The following AGBL4 variants were observed in gnomAD, a reference collection of about 807,000 sequenced individuals.
AGBL4 encodes the protein cytosolic carboxypeptidase 6.
A neutral mutation model predicts 66.4 loss-of-function variants in AGBL4; 58 were observed. That is an observed-to-expected ratio of 0.87 (90% CI 0.71 to 1.09). AGBL4 has a LOEUF of 1.09. Ranked by LOEUF, AGBL4 falls within the 50% of genes least tolerant of loss-of-function variation. The pLI is 0.00. For synonymous variants in AGBL4, 234 were observed against 222.9 expected (o/e 1.05, Z -0.44); for missense variants, 579 against 631.0 (o/e 0.92, Z 0.88).
intron 2 of AGBL4, chr1:49,846,205 C>A (rs373697304): frequency 2.1e-6 from 3 of 1,461,162 alleles, no homozygotes; most frequent in Non-Finnish European, 2.9e-6. Flanking sequence ...CCTCACTCAG[C>A]CAGCACAAAA....
intron 9 of AGBL4, among the ~76,000 whole-genome samples, chr1:48,612,487 A>T (rs1645254003): frequency 6.6e-6 from 1 of 152,188 alleles, no homozygotes; most frequent in Admixed American, 6.5e-5. Context: ...TATAGAGATG[A>T]AGGTCAAGAA....
At chr1:48,668,528 A>C (rs1364180149) in intron 6 of AGBL4, among the ~76,000 whole-genome samples, 1 of 152,078 alleles carries the variant, frequency 6.6e-6, no homozygotes, top group Non-Finnish European at 1.5e-5. Flanking sequence ...GGTTCCCAAG[A>C]CACGACATGT....
chr1:48,589,036 C>A (rs528288583), intron 10 of AGBL4, among the ~76,000 whole-genome samples: 1 of 152,164 alleles, frequency 6.6e-6, no homozygotes, highest in African/African-American at 2.4e-5. Context: ...TATGACCCAG[C>A]CTTCCAGGGA....
chr1:49,161,029 T>A (rs1048567936), intron 4 of AGBL4, among the ~76,000 whole-genome samples: 3 of 152,072 alleles, frequency 2.0e-5, no homozygotes. Flanking sequence ...CTTGGCTCCC[T>A]GGCTTCAGCC....
At chr1:49,479,056 T>C (rs1646901415) in intron 3 of AGBL4, among the ~76,000 whole-genome samples, 1 of 151,346 alleles carries the variant, frequency 6.6e-6, no homozygotes, top group African/African-American at 2.4e-5. Flanking sequence ...AAGGAAGACA[T>C]GCAAGAAAAA....
At chr1:49,235,181 G>A (rs1289733477) in intron 4 of AGBL4, among the ~76,000 whole-genome samples, 2 of 152,148 alleles carry the variant, frequency 1.3e-5, no homozygotes, top group Non-Finnish European at 1.5e-5. Flanking sequence ...GTAAGGCTCA[G>A]GTCCTTCCTT....
At chr1:49,199,955 A>C (rs1647555761) in intron 4 of AGBL4, among the ~76,000 whole-genome samples, 1 of 152,102 alleles carries the variant, frequency 6.6e-6, no homozygotes, top group South Asian at 2.1e-4. Flanking sequence ...TGGGGAGGCA[A>C]GTGTGACTAC....
intron 3 of AGBL4, among the ~76,000 whole-genome samples, chr1:49,491,857 A>G (rs186807840): frequency 3.1e-4 from 47 of 152,072 alleles, no homozygotes; most frequent in African/African-American, 1.1e-3. Flanking sequence ...CCCCCAGTGG[A>G]TGCCTGAAAC....
chr1:49,083,407 A>G (rs1213258865), intron 4 of AGBL4, among the ~76,000 whole-genome samples: 1 of 152,222 alleles, frequency 6.6e-6, no homozygotes, highest in Non-Finnish European at 1.5e-5. Flanking sequence ...CCAAACCTCA[A>G]TTCTTGACTT....
intron 11 of AGBL4, among the ~76,000 whole-genome samples, chr1:48,557,018 G>A (rs1431362204): frequency 6.6e-6 from 1 of 152,046 alleles, no homozygotes; most frequent in Non-Finnish European, 1.5e-5. Context: ...ACAAACTCCT[G>A]AGCTCAGGAG....
At position 48,995,011 on chromosome 1, in the gene AGBL4, C is replaced by T. The variant is rs1243241815; in HGVS notation, c.594+50573G>A. 4.6e-5 allele frequency among the ~76,000 whole-genome samples: 7 copies of T among 152,300 alleles called. No homozygotes were observed. In the East Asian group the frequency reaches 5.8e-4, roughly 13 times the overall value. On this transcript the variant is annotated intron_variant, in intron 5 of 13. Coordinates refer to ENST00000371839, the MANE Select transcript of AGBL4 (RefSeq NM_032785.4). ...AATTTGAGCCAAAAAAGACAAATCA[C>T]GAAATTTGTTTATTTGGCTGCTTCC...
intron 7 of AGBL4, among the ~76,000 whole-genome samples, chr1:48,655,301 CTTTCTTTTCT>C (rs931120702): frequency 6.6e-6 from 1 of 152,168 alleles, no homozygotes; most frequent in Admixed American, 6.5e-5. Context: ...ATAGGGAGAT[CTTTCTTTTCT>C]TTTCTTTTCT....
At chr1:48,751,710 A>G (rs1309069842) in intron 6 of AGBL4, among the ~76,000 whole-genome samples, 1 of 152,202 alleles carries the variant, frequency 6.6e-6, no homozygotes. Flanking sequence ...ATGGAGAAAC[A>G]CACTGCTATT....
At chr1:49,335,743 C>T (rs2148497676) in intron 3 of AGBL4, among the ~76,000 whole-genome samples, 1 of 152,252 alleles carries the variant, frequency 6.6e-6, no homozygotes, top group East Asian at 1.9e-4. Context: ...TCTCAATCTC[C>T]TGACCTTGTG....
intron 1 of AGBL4, among the ~76,000 whole-genome samples, chr1:49,919,772 C>T (rs1258218383): frequency 1.3e-5 from 2 of 152,248 alleles, no homozygotes; most frequent in Non-Finnish European, 2.9e-5. Context: ...AAAGAGCCCG[C>T]ATTGCCAAGA....
At chr1:49,892,541 T>C (rs1648759085) in intron 1 of AGBL4, among the ~76,000 whole-genome samples, 2 of 152,266 alleles carry the variant, frequency 1.3e-5, no homozygotes, top group South Asian at 4.1e-4. Flanking sequence ...CCTTCTATAA[T>C]ACCAATGCTT....
chr1:49,998,415 A>G (rs1660513617), intron 1 of AGBL4, among the ~76,000 whole-genome samples: 1 of 152,150 alleles, frequency 6.6e-6, no homozygotes, highest in Admixed American at 6.5e-5. Flanking sequence ...ACAGACAAGT[A>G]ACAAGCAGAA....
chr1:49,197,531 G>C (rs1647325787), intron 4 of AGBL4, among the ~76,000 whole-genome samples: 1 of 152,182 alleles, frequency 6.6e-6, no homozygotes, highest in Non-Finnish European at 1.5e-5. Context: ...TACAGACAAT[G>C]CTGCTGTGCT....
chr1:49,431,365 C>T (rs540204358), intron 3 of AGBL4, among the ~76,000 whole-genome samples: 3 of 152,248 alleles, frequency 2.0e-5, no homozygotes, highest in African/African-American at 7.2e-5. Context: ...AAAATAACAT[C>T]TTTGATTAGA....
Sources: allele counts gnomAD v4.1 joint callset (sites outside exome capture counted in the v4.1 genomes callset), GRCh38; gene constraint gnomAD v4.1.1; transcripts MANE v1.5; gene names NCBI Gene and HGNC (gene_info 2026-07-23, HGNC 2026-07-21).